The following FSTL5 variants were observed in gnomAD, a reference collection of about 807,000 sequenced individuals.
FSTL5 encodes the protein follistatin-related protein 5.
A neutral mutation model predicts 89.1 loss-of-function variants in FSTL5; 62 were observed. The ratio of observed to expected loss-of-function variants is 0.70; its 90% CI spans 0.57 to 0.86. The LOEUF is 0.86. FSTL5 is among the 40% of genes least tolerant of loss of function. The pLI is 0.00. For missense variants in FSTL5, 1,057 were observed against 1,001.6 expected, an observed-to-expected ratio of 1.06 and a Z score of -0.75; for synonymous variants, 383 against 346.2, an observed-to-expected ratio of 1.11 and a Z score of -1.18.
chr4:161,822,256 T>G (rs925487355), intron 4 of FSTL5, among the ~76,000 whole-genome samples: 1 of 152,186 alleles, frequency 6.6e-6, no homozygotes, highest in Non-Finnish European at 1.5e-5. Flanking sequence ...CTGTGGATGG[T>G]GGTGCCTTTG....
intron 7 of FSTL5, among the ~76,000 whole-genome samples, chr4:161,619,954 G>A (rs896831593): frequency 1.3e-5 from 2 of 151,946 alleles, no homozygotes; most frequent in South Asian, 2.1e-4. Context: ...GTCCAACAAC[G>A]ATAGACTGGA....
At chr4:161,807,424 T>C (rs1441115540) in intron 4 of FSTL5, among the ~76,000 whole-genome samples, 1 of 152,086 alleles carries the variant, frequency 6.6e-6, no homozygotes, top group Non-Finnish European at 1.5e-5. Flanking sequence ...ACCTGGAAAA[T>C]GTAGAATCAT....
intron 15 of FSTL5, among the ~76,000 whole-genome samples, chr4:161,420,482 C>T (rs1731945401): frequency 6.6e-6 from 1 of 151,856 alleles, no homozygotes; most frequent in Non-Finnish European, 1.5e-5. Flanking sequence ...CTCTTATTTC[C>T]TTACCATGCA....
chr4:161,456,530 G>A (rs928454350), intron 14 of FSTL5, among the ~76,000 whole-genome samples: 2 of 152,116 alleles, frequency 1.3e-5, no homozygotes, highest in Non-Finnish European at 2.9e-5. Flanking sequence ...CTTCAGCATC[G>A]ATTTCTCTTC....
intron 15 of FSTL5, among the ~76,000 whole-genome samples, chr4:161,444,751 G>T (rs988579606): frequency 6.6e-6 from 1 of 151,690 alleles, no homozygotes; most frequent in Non-Finnish European, 1.5e-5. Flanking sequence ...AGGTTGGCTT[G>T]GGATAACTTG....
At chr4:161,550,242 C>CT in intron 8 of FSTL5, among the ~76,000 whole-genome samples, 1 of 152,008 alleles carries the variant, frequency 6.6e-6, no homozygotes, top group Middle Eastern at 3.4e-3. Flanking sequence ...CTGCTGCACC[C>CT]TTTCTGCCAT....
intron 15 of FSTL5, among the ~76,000 whole-genome samples, chr4:161,434,743 C>A (rs917906910): frequency 3.3e-5 from 5 of 151,844 alleles, no homozygotes; most frequent in African/African-American, 1.2e-4. Flanking sequence ...ATCTAATAAT[C>A]CAGTTAAAAC....
intron 4 of FSTL5, among the ~76,000 whole-genome samples, chr4:161,835,039 T>C (rs359127): frequency 1 from 143,307 of 143,686 alleles, 71,502 homozygotes; most frequent in South Asian, 1. Context: ...ATCATGATAC[T>C]TGACTTCAAA....
At chr4:161,892,324 T>C (rs112976562) in intron 4 of FSTL5, among the ~76,000 whole-genome samples, 2 of 152,160 alleles carry the variant, frequency 1.3e-5, no homozygotes, top group East Asian at 1.9e-4. Flanking sequence ...TAAGGTTAAA[T>C]TGTTTTAGGG....
rs115908180 is a variant in FSTL5 at position 162,042,652 on chromosome 4, T to C, written c.127-8994A>G. On this transcript the variant is annotated intron_variant, in intron 2 of 15. Coordinates refer to ENST00000306100, the MANE Select transcript of FSTL5 (RefSeq NM_020116.5). ...ATATAATATACTTTTAAAAAACCTA[T>C]CCATGGTACCCACACATATAGGCAC... Among the ~76,000 whole-genome samples the C allele has an allele frequency of 9.6e-3, 1,463 of 152,076 alleles. 18 individuals are homozygous for C. Among genetic ancestry groups the C allele is most frequent in the African/African-American group, 0.033 (1,362 of 41,492 alleles).
At chr4:161,987,565 GA>G (rs1736000850) in intron 3 of FSTL5, among the ~76,000 whole-genome samples, 1 of 145,842 alleles carries the variant, frequency 6.9e-6, no homozygotes, top group Non-Finnish European at 1.5e-5. Context: ...ATACTTTATT[GA>G]AATATATATA....
At chr4:161,587,102 A>C (rs1361143030) in intron 8 of FSTL5, among the ~76,000 whole-genome samples, 1 of 152,172 alleles carries the variant, frequency 6.6e-6, no homozygotes, top group Non-Finnish European at 1.5e-5. Flanking sequence ...TATATCATTA[A>C]AACAATCAAT....
chr4:162,137,561 C>T (rs1458670194), intron 1 of FSTL5, among the ~76,000 whole-genome samples: 1 of 152,126 alleles, frequency 6.6e-6, no homozygotes, highest in South Asian at 2.1e-4. Flanking sequence ...TGTTCTTTGC[C>T]TTTTTTGCCC....
At chr4:161,405,616 A>T (rs1731348622) in intron 15 of FSTL5, among the ~76,000 whole-genome samples, 1 of 152,214 alleles carries the variant, frequency 6.6e-6, no homozygotes, top group South Asian at 2.1e-4. Context: ...AGGAGAGATC[A>T]CAGAAAATGT....
chr4:161,737,576 G>T (rs908666547), intron 6 of FSTL5, among the ~76,000 whole-genome samples: 1 of 151,874 alleles, frequency 6.6e-6, no homozygotes, highest in Non-Finnish European at 1.5e-5. Context: ...CTCACCAGTT[G>T]AGCACAAGTA....
At chr4:161,989,359 C>A (rs546318520) in intron 3 of FSTL5, among the ~76,000 whole-genome samples, 4 of 152,118 alleles carry the variant, frequency 2.6e-5, no homozygotes, top group Admixed American at 6.6e-5. Flanking sequence ...AACATAACAC[C>A]CAATTTAGAT....
chr4:161,758,282 C>A (rs1385446616), intron 6 of FSTL5, among the ~76,000 whole-genome samples: 1 of 151,772 alleles, frequency 6.6e-6, no homozygotes, highest in Non-Finnish European at 1.5e-5. Context: ...GGGCATAATT[C>A]AAAAAAGACC....
At chr4:161,572,193 C>T (rs1183561477) in intron 8 of FSTL5, among the ~76,000 whole-genome samples, 2 of 151,786 alleles carry the variant, frequency 1.3e-5, no homozygotes, top group African/African-American at 4.8e-5. Context: ...TTGACAGGCA[C>T]CTGTAATCCC....
intron 4 of FSTL5, among the ~76,000 whole-genome samples, chr4:161,831,961 A>G (rs911404792): frequency 1.3e-5 from 2 of 152,050 alleles, no homozygotes; most frequent in Non-Finnish European, 2.9e-5. Flanking sequence ...TTCAGATACT[A>G]ATAAGAGACA....
Sources: allele counts gnomAD v4.1 joint callset (sites outside exome capture counted in the v4.1 genomes callset), GRCh38; gene constraint gnomAD v4.1.1; transcripts MANE v1.5; gene names NCBI Gene and HGNC (gene_info 2026-07-23, HGNC 2026-07-21).